CLCN5: variants seen among roughly 807,000 people sequenced by gnomAD.
CLCN5 encodes the protein Cl-/H+ antiporter 5.
CLCN5 carries 17 observed loss-of-function variants against 54.0 expected under a neutral mutation model. The observed-to-expected ratio is 0.31, with a 90% CI of 0.22 to 0.47. The LOEUF (loss-of-function observed/expected upper bound fraction) is 0.47. Ranked by LOEUF, CLCN5 falls within the 20% of genes least tolerant of loss-of-function variation. CLCN5 has a pLI of 1.00. For synonymous variants in CLCN5, 222 were observed against 233.0 expected (o/e 0.95, Z 0.43); for missense variants, 448 against 646.7 (o/e 0.69, Z 3.33).
At chrX:50,022,698 A>G (rs2147433107) in intron 3 of CLCN5, among the ~76,000 whole-genome samples, 1 of 81,619 alleles carries the variant, frequency 1.2e-5, no homozygotes, top group African/African-American at 6.5e-5. Context: ...TTTGGTTTCA[A>G]AGAACATCTT....
intron 9 of CLCN5, among the ~76,000 whole-genome samples, chrX:50,084,681 G>T (rs1364306014): frequency 3.6e-5 from 4 of 111,889 alleles, no homozygotes; most frequent in African/African-American, 1.3e-4. Flanking sequence ...ACCACAACCG[G>T]CTAGTATTTG....
intron 3 of CLCN5, among the ~76,000 whole-genome samples, chrX:49,993,876 AG>A (rs782759490): frequency 2.7e-5 from 3 of 111,851 alleles, no homozygotes; most frequent in Non-Finnish European, 3.8e-5. Context: ...GAAGCAGGGC[AG>A]GGGAGTTAGA....
Position 50,090,313 on chromosome X carries a change from C to T in CLCN5, c.1942C>T (p.His648Tyr), listed in dbSNP as rs782515769. Residue 648 changes from histidine (H) to tyrosine (Y), a missense_variant, in exon 13 of 15, where the codon CAT becomes TAT. This residue lies in a region of CLCN5 where 297 missense variants were observed against 470.4 expected (regional missense o/e 0.63). Transcript: ENST00000376091. The stretch of plus-strand genomic sequence containing the variant: ...TCTTGAAGCCAAAGAAGAGTTTGCT[C>T]ATAAGACCCTGGCAATGGATGTGAT... ...PFLEAKEEFA[H>Y]KTLAMDVMKP... 38 of 1,209,312 alleles carry T rather than the reference C, an allele frequency of 3.1e-5. No individual in the cohort carries two copies. Among genetic ancestry groups the T allele is most frequent in the Admixed American group, 8.7e-5 (4 of 45,755 alleles).
intron 5 of CLCN5, among the ~76,000 whole-genome samples, chrX:50,071,944 G>A (rs1217074935): frequency 9.0e-6 from 1 of 111,450 alleles, no homozygotes; most frequent in Admixed American, 9.6e-5. Context: ...TAGCCTTGAT[G>A]TTACCAGCAG....
At chrX:49,939,339 G>A (rs1216081403) in intron 3 of CLCN5, among the ~76,000 whole-genome samples, 1 of 109,882 alleles carries the variant, frequency 9.1e-6, no homozygotes, top group African/African-American at 3.3e-5. Flanking sequence ...ACATGTACAC[G>A]TATGTTTATT....
chrX:49,994,884 T>C (rs1929435609), intron 3 of CLCN5, among the ~76,000 whole-genome samples: 1 of 112,252 alleles, frequency 8.9e-6, no homozygotes, highest in African/African-American at 3.2e-5. Flanking sequence ...AACTTTGGTA[T>C]GATGCAACTA....
intron 4 of CLCN5, among the ~76,000 whole-genome samples, chrX:50,046,749 T>C (rs1286431237): frequency 9.0e-6 from 1 of 111,415 alleles, no homozygotes; most frequent in Non-Finnish European, 1.9e-5. Flanking sequence ...GCTTGAGTAG[T>C]GTAGGTTGGA....
chrX:50,014,679 G>A (rs1557183241), intron 3 of CLCN5: 1 of 337,447 alleles, frequency 3.0e-6, no homozygotes, highest in South Asian at 2.7e-5. Flanking sequence ...CAGAGAGGGG[G>A]AGCTCAACTG....
At chrX:49,954,368 G>A (rs1243956762) in intron 3 of CLCN5, among the ~76,000 whole-genome samples, 1 of 109,017 alleles carries the variant, frequency 9.2e-6, no homozygotes, top group Non-Finnish European at 1.9e-5. Context: ...TTTTTTGGTC[G>A]TCAGCTATCG....
At chrX:49,955,842 T>C (rs1927288627) in intron 3 of CLCN5, among the ~76,000 whole-genome samples, 1 of 112,070 alleles carries the variant, frequency 8.9e-6, no homozygotes, top group Admixed American at 9.5e-5. Context: ...TTAATATATG[T>C]TTCATCAGTT....
chrX:49,987,587 C>T (rs1929044480), intron 3 of CLCN5, among the ~76,000 whole-genome samples: 1 of 111,933 alleles, frequency 8.9e-6, no homozygotes, highest in African/African-American at 3.2e-5. Flanking sequence ...CTATAAGATA[C>T]CCTTGGAAGT....
intron 3 of CLCN5, among the ~76,000 whole-genome samples, chrX:49,929,779 G>GTT (rs782239212): frequency 2.6e-4 from 23 of 90,030 alleles, no homozygotes; most frequent in African/African-American, 8.7e-4. Flanking sequence ...TAGGTTTTTT[G>GTT]TTTTTTTTTT....
At chrX:49,939,099 C>T (rs2147267441) in intron 3 of CLCN5, among the ~76,000 whole-genome samples, 1 of 111,871 alleles carries the variant, frequency 8.9e-6, no homozygotes, top group East Asian at 2.8e-4. Flanking sequence ...TACCACCTCA[C>T]ACCAGTTAGA....
chrX:50,083,459 AT>A (rs1476542659), intron 9 of CLCN5, among the ~76,000 whole-genome samples: 3 of 111,331 alleles, frequency 2.7e-5, no homozygotes, highest in Non-Finnish European at 5.7e-5. Context: ...TTGAGAAAAC[AT>A]TTTTTTTCTA....
chrX:49,994,711 CA>C (rs1331602823), intron 3 of CLCN5, among the ~76,000 whole-genome samples: 2 of 111,648 alleles, frequency 1.8e-5, no homozygotes, highest in African/African-American at 6.5e-5. Context: ...GCATCTTATC[CA>C]TGACTCTTCT....
intron 4 of CLCN5, among the ~76,000 whole-genome samples, chrX:50,058,275 G>A (rs1932797564): frequency 9.0e-6 from 1 of 111,490 alleles, no homozygotes; most frequent in Admixed American, 9.6e-5. Context: ...CAGTACTTCA[G>A]GGTCTGTGCA....
At position 50,090,241 on chromosome X, in the gene CLCN5, C is replaced by T. The variant is rs1934041941; in HGVS notation, c.1870C>T (p.Arg624Trp). ...TSKWVADALG[R>W]EGIYDAHIRL... Reference sequence around the variant, plus strand: ...CAAGTGGGTGGCAGATGCTCTTGGGCGGGAGGGCATCTATGATGCCCACAT... The same window carrying T: ...CAAGTGGGTGGCAGATGCTCTTGGGTGGGAGGGCATCTATGATGCCCACAT... Residue 624 changes from arginine to tryptophan, a missense_variant, in exon 13 of 15, where the codon CGG becomes TGG. Around this residue, in one of 5 missense-constraint regions of CLCN5, gnomAD observed 297 missense variants for 470.4 expected, o/e 0.63. Coordinates refer to ENST00000376091, the MANE Select transcript of CLCN5 (RefSeq NM_001127898.4). 4.1e-6 allele frequency: 5 copies of T among 1,211,228 alleles called. No homozygotes were observed. Among genetic ancestry groups the T allele is most frequent in the African/African-American group, 1.7e-5 (1 of 57,771 alleles).
At chrX:49,990,201 G>A (rs1929189639) in intron 3 of CLCN5, among the ~76,000 whole-genome samples, 1 of 110,157 alleles carries the variant, frequency 9.1e-6, no homozygotes, top group African/African-American at 3.3e-5. Context: ...GTCTCGCTCT[G>A]TCGCCCAGGC....
In CLCN5 at chrX:50,080,685, C is replaced by T. The variant is rs782605316; in HGVS notation, c.695C>T (p.Ala232Val). The change falls in exon 8 of 15, where the codon GCG (alanine) becomes GTG (valine). Residue 232 changes from alanine (A) to valine (V), a missense_variant. Physicochemically the swap from Ala to Val is moderately conservative, Grantham distance 64. This residue lies in a region of CLCN5 where 297 missense variants were observed against 470.4 expected (regional missense o/e 0.63). Transcript: ENST00000376091. ...GCCGTATCTCTTGTCAAGGTGTTTG[C>T]GCCTTATGCCTGTGGCTCTGGAATC... Reference protein sequence around the residue: ...FLAVSLVKVFAPYACGSGIPE... With the variant: ...FLAVSLVKVFVPYACGSGIPE... 3 of 1,204,152 alleles carry T rather than the reference C, an allele frequency of 2.5e-6. No individual in the cohort carries two copies. Among genetic ancestry groups the T allele is most frequent in the Non-Finnish European group, 3.4e-6 (3 of 889,434 alleles).
Sources: allele counts gnomAD v4.1 joint callset (sites outside exome capture counted in the v4.1 genomes callset), GRCh38; gene constraint gnomAD v4.1.1; regional missense constraint gnomAD v4.1.1; transcripts MANE v1.5; gene names NCBI Gene and HGNC (gene_info 2026-07-23, HGNC 2026-07-21).